SMARCA2: variants seen among roughly 807,000 people sequenced by gnomAD.
The protein encoded by SMARCA2 is SWI/SNF related BAF chromatin remodeling complex subunit ATPase 2.
Under a neutral mutation model 199.8 loss-of-function variants are expected in SMARCA2, and 61 were observed. That is an observed-to-expected ratio of 0.31 (90% CI 0.25 to 0.38). The LOEUF (loss-of-function observed/expected upper bound fraction) is 0.38. Among genes scored for constraint, SMARCA2 ranks in the 10% least tolerant of loss-of-function variants. SMARCA2 has a pLI of 1.00. For synonymous variants in SMARCA2, 935 were observed against 732.0 expected (o/e 1.28, Z -4.48); for missense variants, 1,344 against 2,012.2 (o/e 0.67, Z 6.35).
chr9:2,136,654 C>T (rs1260577849), intron 27 of SMARCA2, among the ~76,000 whole-genome samples: 2 of 152,098 alleles, frequency 1.3e-5, no homozygotes, highest in Non-Finnish European at 2.9e-5. Flanking sequence ...ACAGTCATGG[C>T]AGACCCACCT....
At position 2,039,198 on chromosome 9, in the gene SMARCA2, G is replaced by T. The variant is rs539177585; in HGVS notation, c.356-268G>T. On this transcript the variant is annotated intron_variant, in intron 3 of 33. Transcript: ENST00000349721. This position sits in a 1 kb window ranked among gnomAD's most constrained non-coding sequence, Gnocchi z 4.8. ...TTAAAATGATGTTTTGGGTATGTTGGTTTAAGTAAAATACATTTAAATTAA... is the reference window on the plus strand; with the variant it reads ...TTAAAATGATGTTTTGGGTATGTTGTTTTAAGTAAAATACATTTAAATTAA... Among the ~76,000 whole-genome samples the T allele has an allele frequency of 6.7e-6, 1 of 150,154 alleles. No homozygotes were observed.
At chr9:2,041,593 G>A in intron 4 of SMARCA2, 1 of 392,816 alleles carries the variant, frequency 2.5e-6, no homozygotes, top group Non-Finnish European at 4.5e-6. Context: ...AATTTTGAGG[G>A]GACCATAAAC....
intron 21 of SMARCA2, among the ~76,000 whole-genome samples, chr9:2,099,748 T>C (rs1457703094): frequency 1.3e-5 from 2 of 152,176 alleles, no homozygotes; most frequent in African/African-American, 2.4e-5. Flanking sequence ...CCTTTGTTCA[T>C]ACTAAATCCT....
intron 1 of SMARCA2, among the ~76,000 whole-genome samples, chr9:2,022,385 G>A (rs917699893): frequency 6.6e-6 from 1 of 152,164 alleles, no homozygotes; most frequent in Non-Finnish European, 1.5e-5. Context: ...TTGTAGGTAA[G>A]GAGCTTGAAA....
intron 5 of SMARCA2, among the ~76,000 whole-genome samples, chr9:2,051,384 T>C (rs1820110645): frequency 6.6e-6 from 1 of 152,034 alleles, no homozygotes; most frequent in South Asian, 2.1e-4. Context: ...CAGGGAGAGG[T>C]GCACCCCCCT....
rs1341584767 is a variant in SMARCA2, at chr9:2,056,421, TTAC to T, written c.1174-249_1174-247del. On this transcript the variant is annotated intron_variant, in intron 6 of 33. Coordinates refer to ENST00000349721, the MANE Select transcript of SMARCA2 (RefSeq NM_003070.5). This position sits in a 1 kb window ranked among gnomAD's most constrained non-coding sequence, Gnocchi z 4.0. ...GGCAAGACAACATCTTTTCTTTCTT[TTAC>T]TGTTACAGTACTATAATTGCTTTTG... is the stretch of plus-strand genomic sequence containing the variant. Among the ~76,000 whole-genome samples, 3 of 152,254 alleles carry T rather than the reference TTAC, an allele frequency of 2.0e-5. No homozygotes were observed. Among genetic ancestry groups the T allele is most frequent in the Non-Finnish European group, 4.4e-5 (3 of 68,044 alleles).
In SMARCA2 at chr9:2,047,382, C is replaced by A; in HGVS notation, c.944C>A (p.Pro315His). ...GTGCCGCAGCCGGCCCCGGGGCAGC[C>A]CTCGCCCGTCCTCCAGCTGCAGCAG... ...PSVPQPAPGQPSPVLQLQQKQ... is the reference protein window; with the variant it reads ...PSVPQPAPGQHSPVLQLQQKQ... Residue 315 changes from proline to histidine, a missense_variant, in exon 5 of 34, where the codon CCC (proline) becomes CAC (histidine). By Grantham distance (77) the Pro-to-His change is moderately conservative. This residue lies in a region of SMARCA2 where 155 missense variants were observed against 260.0 expected (regional missense o/e 0.60). Coordinates refer to ENST00000349721, the MANE Select transcript of SMARCA2 (RefSeq NM_003070.5). 6.4e-7 allele frequency: 1 copy of A among 1,574,714 alleles called. No individual in the cohort carries two copies. Among genetic ancestry groups the A allele is most frequent in the Admixed American group, 1.8e-5 (1 of 55,416 alleles).
Position 2,029,166 on chromosome 9 carries a change from T to C in SMARCA2, c.144T>C (p.Pro48=), listed in dbSNP as rs1482652997. The C allele has an allele frequency of 1.9e-6, 3 of 1,613,158 alleles. No homozygotes were observed. In the Admixed American group the frequency reaches 5.0e-5, roughly 27 times the overall value. The change falls in exon 2 of 34, where the codon CCT becomes CCC. Residue 48 remains proline (P), a synonymous_variant. Transcript: ENST00000349721. The stretch of plus-strand genomic sequence containing the variant: ...TCCACAGCATGATGGGGCCAAGTCC[T>C]GGACCTCCAAGTGTCTCCCATCCTA... ...GSVHSMMGPS[P]GPPSVSHPMP...
At chr9:2,167,915 G>A (rs1429962893) in intron 28 of SMARCA2, among the ~76,000 whole-genome samples, 1 of 152,130 alleles carries the variant, frequency 6.6e-6, no homozygotes, top group Non-Finnish European at 1.5e-5. Flanking sequence ...GGAATTCAGG[G>A]AAGTAGGGGT....
At chr9:2,192,432 A>G (rs1336199558) in intron 33 of SMARCA2, 1 of 404,548 alleles carries the variant, frequency 2.5e-6, no homozygotes, top group South Asian at 3.4e-5. Context: ...AAGAGAAAAT[A>G]TTAGCCATAA....
At chr9:2,045,854 C>CAT (rs1819817948) in intron 4 of SMARCA2, 3 of 151,640 alleles carry the variant, frequency 2.0e-5, no homozygotes, top group South Asian at 2.1e-4. Context: ...CACACACACA[C>CAT]ACACGACACA....
intron 27 of SMARCA2, among the ~76,000 whole-genome samples, chr9:2,125,885 A>G (rs1823669497): frequency 6.6e-6 from 1 of 152,238 alleles, no homozygotes; most frequent in South Asian, 2.1e-4. Context: ...AGCTGAACTT[A>G]ACTTCTTAAA....
At chr9:2,120,462 C>A (rs979717661) in intron 26 of SMARCA2, among the ~76,000 whole-genome samples, 4 of 152,172 alleles carry the variant, frequency 2.6e-5, no homozygotes, top group Non-Finnish European at 5.9e-5. Flanking sequence ...TATATGTGAT[C>A]TCTAGATTTT....
chr9:2,071,611 G>A (rs184272585), intron 10 of SMARCA2, among the ~76,000 whole-genome samples: 2 of 152,184 alleles, frequency 1.3e-5, no homozygotes, highest in Non-Finnish European at 1.5e-5. Flanking sequence ...CTTAACACAC[G>A]TGTCCTGTTT....
chr9:2,189,058 G>A (rs1170052876), intron 32 of SMARCA2, among the ~76,000 whole-genome samples: 1 of 152,062 alleles, frequency 6.6e-6, no homozygotes, highest in African/African-American at 2.4e-5. Flanking sequence ...GATTAGACTG[G>A]GCCCACCTGG....
Position 2,193,384 on chromosome 9 carries a change from G to C in SMARCA2, c.*645G>C, listed in dbSNP as rs1175446462. On this transcript the variant is annotated 3_prime_UTR_variant, in exon 34 of 34. Transcript: ENST00000349721. ...TGCTCTTGATTTAAAAAAAAGTTTT[G>C]TTGAAAGCGCTATTGAATATTGCAA... is the stretch of plus-strand genomic sequence containing the variant. 1.3e-5 allele frequency: 2 copies of C among 152,546 alleles called. No individual in the cohort carries two copies. Among genetic ancestry groups the C allele is most frequent in the Non-Finnish European group, 2.9e-5 (2 of 68,014 alleles). The allele number at this position is 152,546 out of a possible 1,614,324, so 9.4% of individuals were successfully genotyped here. A position where few individuals can be genotyped will look rare whatever the true frequency, so the allele number is the denominator to read the frequency against.
intron 4 of SMARCA2, chr9:2,040,635 A>T (rs1305322361): frequency 3.3e-5 from 5 of 152,238 alleles, no homozygotes; most frequent in Non-Finnish European, 5.9e-5. Flanking sequence ...ATTATTTTTT[A>T]AATTATTATC....
chr9:2,156,414 CTTTTTTTTTTT>C (rs57161267), intron 27 of SMARCA2, among the ~76,000 whole-genome samples: 17 of 69,160 alleles, frequency 2.5e-4, no homozygotes, highest in South Asian at 5.7e-4. Flanking sequence ...CCATTTTAGA[CTTTTTTTTTTT>C]TTTTTTTTTT....
intron 2 of SMARCA2, among the ~76,000 whole-genome samples, 154 bp from the exon 3 acceptor site, chr9:2,032,798 T>C (rs1474018245): frequency 6.6e-6 from 1 of 152,238 alleles, no homozygotes; most frequent in African/African-American, 2.4e-5. Context: ...GATAGTTTGC[T>C]GATCCTTTTG....
Sources: allele counts gnomAD v4.1 joint callset (sites outside exome capture counted in the v4.1 genomes callset), GRCh38; gene constraint gnomAD v4.1.1; regional missense constraint gnomAD v4.1.1; non-coding constraint Gnocchi (gnomAD v3.1); transcripts MANE v1.5; gene names NCBI Gene and HGNC (gene_info 2026-07-23, HGNC 2026-07-21).